Variants in C16orf86 observed in about 807,000 individuals in gnomAD.
C16orf86 encodes the protein uncharacterized protein C16orf86.
C16orf86 carries 19 observed loss-of-function variants against 21.5 expected under a neutral mutation model. The ratio of observed to expected loss-of-function variants is 0.88; its 90% CI spans 0.62 to 1.30. The LOEUF (loss-of-function observed/expected upper bound fraction) is 1.30. Ranked by LOEUF, C16orf86 falls within the 50% of genes most tolerant of loss-of-function variation. The pLI, the probability that C16orf86 is intolerant of heterozygous loss-of-function variation, is 0.00. For synonymous variants in C16orf86, 188 were observed against 183.5 expected, an observed-to-expected ratio of 1.02 and a Z score of -0.20; for missense variants, 391 against 415.8, an observed-to-expected ratio of 0.94 and a Z score of 0.52.
At position 67,666,920 on chromosome 16, in the gene C16orf86, C is replaced by T. The variant is rs2053111857; in HGVS notation, c.-51C>T. The T allele has an allele frequency of 2.3e-6, 3 of 1,321,582 alleles. No individual in the cohort carries two copies. The highest frequency in any genetic ancestry group is 3.2e-5 in the South Asian group (2 of 63,034). 81.9% of individuals were successfully genotyped at this position (1,321,582 alleles called of 1,614,324 possible). A position where few individuals can be genotyped will look rare whatever the true frequency, so the allele number is the denominator to read the frequency against. On this transcript the variant is annotated 5_prime_UTR_variant, in exon 1 of 4. Coordinates refer to ENST00000403458, the MANE Select transcript of C16orf86 (RefSeq NM_001012984.3). ...TCAGCGCGGGGCCACCATCCAGCCC[C>T]TTGGGGCCCGCCCCAAGCAGCTGTC...
Position 67,666,861 on chromosome 16 carries a change from A to G in C16orf86, c.-110A>G. 2 of 713,818 alleles carry G rather than the reference A, an allele frequency of 2.8e-6. No individual in the cohort carries two copies. The highest frequency in any genetic ancestry group is 4.2e-6 in the Non-Finnish European group (2 of 475,222). 44.2% of individuals were successfully genotyped at this position (713,818 alleles called of 1,614,324 possible). On this transcript the variant is annotated 5_prime_UTR_variant, in exon 1 of 4. Coordinates refer to ENST00000403458, the MANE Select transcript of C16orf86 (RefSeq NM_001012984.3). ...TCCGCGGTCGCCGGTTTCTCTTCCC[A>G]GCTCTGCCCTCGCTTGCTGGCCGGT...
Position 67,667,459 on chromosome 16 carries a change from AGAGAGGCCCCAGGCCCGTGGTCTCCATT to A in C16orf86, c.268_295del (p.Arg90Ter), listed in dbSNP as rs1439330545. On this transcript the variant is annotated frameshift_variant, in exon 2 of 4. Transcript: ENST00000403458. LOFTEE classifies it high-confidence loss of function. ...AAGCCGCATGCCGGGGCGCTAGAGG[AGAGAGGCCCCAGGCCCGTGGTCTCCATT>A]GTGAGGCCCCGTCATGGTCCAAAGA... 6.2e-7 allele frequency: 1 copy of A among 1,611,302 alleles called. No homozygotes were observed. Among genetic ancestry groups the A allele is most frequent in the South Asian group, 1.1e-5 (1 of 90,956 alleles).
In C16orf86 at chr16:67,668,649, T is replaced by C; in HGVS notation, c.*49T>C. ...CCCTCCTTCCACGCCTGAATTTGGCTTCAGGCTTCCTGTGGGCCTAGGCCC... is the reference window on the plus strand; with the variant it reads ...CCCTCCTTCCACGCCTGAATTTGGCCTCAGGCTTCCTGTGGGCCTAGGCCC... On this transcript the variant is annotated 3_prime_UTR_variant, in exon 4 of 4. Transcript: ENST00000403458. The C allele has an allele frequency of 6.3e-7, 1 of 1,589,782 alleles. No individual in the cohort carries two copies. Among genetic ancestry groups the C allele is most frequent in the East Asian group, 2.2e-5 (1 of 44,570 alleles).
chr16:67,667,821 G>A, intron 2 of C16orf86, 57 bp from the exon 3 acceptor site: 1 of 1,519,458 alleles, frequency 6.6e-7, no homozygotes, highest in Non-Finnish European at 8.8e-7. Flanking sequence ...TATTCCCTGG[G>A]CCAGGGAATG....
In C16orf86 at chr16:67,668,428, A is replaced by G. The variant is rs746441324; in HGVS notation, c.782A>G (p.His261Arg). The change falls in exon 4 of 4, where the codon CAT becomes CGT. Residue 261 changes from histidine (H) to arginine (R), a missense_variant. By Grantham distance (29) the His-to-Arg change is conservative. Transcript: ENST00000403458. Reference sequence around the variant, plus strand: ...CCCAGTCCACTAGTGACCCCCACCCATGCCCTGGCTCCCCTCGGAGAGGAG... The same window carrying G: ...CCCAGTCCACTAGTGACCCCCACCCGTGCCCTGGCTCCCCTCGGAGAGGAG... ...PCPSPLVTPT[H>R]ALAPLGEEAG... 21 of 1,612,114 alleles carry G rather than the reference A, an allele frequency of 1.3e-5. No individual in the cohort carries two copies. In the African/African-American group the frequency reaches 2.5e-4, roughly 20 times the overall value.
chr16:67,667,109 C>A, intron 1 of C16orf86, 37 bp downstream of exon 1: 5 of 1,454,306 alleles, frequency 3.4e-6, no homozygotes, highest in Non-Finnish European at 4.6e-6. Flanking sequence ...AACACAGGGC[C>A]GCAGCGCTCT....
rs2142991011 is a variant in C16orf86 at position 67,668,310 on chromosome 16, C to T, written c.664C>T (p.Leu222=). The T allele has an allele frequency of 2.5e-6, 4 of 1,612,408 alleles. No homozygotes were observed. The highest frequency in any genetic ancestry group is 1.3e-5 in the African/African-American group (1 of 75,080). ...GEAEVEAEAE[L]APVPEEGGVE... is the part of the protein sequence containing the mutation. ...GGCTGAGGTGGAGGCAGAGGCAGAG[C>T]TGGCCCCGGTTCCCGAGGAGGGAGG... The change falls in exon 4 of 4, where the codon CTG becomes TTG. Residue 222 remains leucine, a synonymous_variant. Coordinates refer to ENST00000403458, the MANE Select transcript of C16orf86 (RefSeq NM_001012984.3).
rs2053110435 is a variant in C16orf86 at position 67,666,830 on chromosome 16, G to GT, written c.-140dup. The stretch of plus-strand genomic sequence containing the variant: ...CTGGGGCTTGTAGTTTCGGCCGAGG[G>GT]TGGGCTCCGCGGTCGCCGGTTTCTC... On this transcript the variant is annotated 5_prime_UTR_variant, in exon 1 of 4. Coordinates refer to ENST00000403458, the MANE Select transcript of C16orf86 (RefSeq NM_001012984.3). The GT allele has an allele frequency of 1.8e-6, 1 of 551,800 alleles. No individual in the cohort carries two copies. The highest frequency in any genetic ancestry group is 2.0e-5 in the African/African-American group (1 of 50,048). The allele number at this position is 551,800 out of a possible 1,614,324, so 34.2% of individuals were successfully genotyped here.
Position 67,667,421 on chromosome 16 carries a change from G to A in C16orf86, c.228G>A (p.Gly76=). The A allele has an allele frequency of 6.2e-7, 1 of 1,612,386 alleles. No homozygotes were observed. ...TCCAGGAGGAAGGACCCAAGCTGGG[G>A]GAGGAGCGGCCCAAGCCGCATGCCG... ...SELQEEGPKL[G]EERPKPHAGA... Residue 76 remains glycine, a synonymous_variant, in exon 2 of 4, where the codon GGG becomes GGA. Coordinates refer to ENST00000403458, the MANE Select transcript of C16orf86 (RefSeq NM_001012984.3).
chr16:67,668,597 G>A lies in C16orf86; in HGVS notation c.951G>A (p.Lys317=). 1 of 1,613,338 alleles carries A rather than the reference G, an allele frequency of 6.2e-7. No homozygotes were observed. The highest frequency in any genetic ancestry group is 1.3e-5 in the African/African-American group (1 of 75,054). Residue 317 remains lysine, a synonymous_variant, in exon 4 of 4, where the codon AAG becomes AAA. Transcript: ENST00000403458. Reference sequence around the variant, plus strand: ...TCCCCCCGCTCTCTCCTCAGTACAAGTGACTGTCCCGCCCCACTGGTGGCT... The same window carrying A: ...TCCCCCCGCTCTCTCCTCAGTACAAATGACTGTCCCGCCCCACTGGTGGCT... ...PLVPPLSPQY[K]
intron 1 of C16orf86, 58 bp from the exon 2 acceptor site, chr16:67,667,238 C>T (rs1247687826): frequency 1.3e-6 from 2 of 1,539,720 alleles, no homozygotes; most frequent in Admixed American, 1.7e-5. Flanking sequence ...TGTTCAGTGA[C>T]GGATCCCTAT....
In C16orf86 at chr16:67,668,040, C is replaced by T. The variant is rs375453195; in HGVS notation, c.495C>T (p.Pro165=). ...KAKKRKSLGA[P]VLHAVASMVS... ...AGAAGCGCAAGAGCCTGGGGGCTCC[C>T]GTGCTCCACGCTGTGGCCAGCATGG... Residue 165 remains proline, a synonymous_variant, in exon 3 of 4, where the codon CCC becomes CCT. Transcript: ENST00000403458. 10 of 1,613,284 alleles carry T rather than the reference C, an allele frequency of 6.2e-6. No homozygotes were observed. Among genetic ancestry groups the T allele is most frequent in the Non-Finnish European group, 8.5e-6 (10 of 1,179,880 alleles).
At position 67,668,548 on chromosome 16, in the gene C16orf86, T is replaced by C; in HGVS notation, c.902T>C (p.Leu301Pro). 1 of 1,613,526 alleles carries C rather than the reference T, an allele frequency of 6.2e-7. No homozygotes were observed. Among genetic ancestry groups the C allele is most frequent in the Non-Finnish European group, 8.5e-7 (1 of 1,179,886 alleles). ...KSTQVDIDKM[L>P]SVCTAPLVPP... ...ACCCAGGTGGACATCGACAAGATGC[T>C]GAGTGTCTGCACTGCTCCACTTGTC... The change falls in exon 4 of 4, where the codon CTG becomes CCG. Residue 301 changes from leucine to proline, a missense_variant. Coordinates refer to ENST00000403458, the MANE Select transcript of C16orf86 (RefSeq NM_001012984.3).
chr16:67,666,860 C>T lies in C16orf86; in HGVS notation c.-111C>T. On this transcript the variant is annotated 5_prime_UTR_variant, in exon 1 of 4. Transcript: ENST00000403458. ...CTCCGCGGTCGCCGGTTTCTCTTCC[C>T]AGCTCTGCCCTCGCTTGCTGGCCGG... 1 of 714,402 alleles carries T rather than the reference C, an allele frequency of 1.4e-6. No homozygotes were observed. 44.3% of individuals were successfully genotyped at this position (714,402 alleles called of 1,614,324 possible).
chr16:67,667,705 G>T, intron 2 of C16orf86, 173 bp from the exon 3 acceptor site: 1 of 1,528,152 alleles, frequency 6.5e-7, no homozygotes, highest in South Asian at 1.2e-5. Flanking sequence ...GAGCTTCAGG[G>T]CTTGTAGGGG....
In C16orf86 at chr16:67,667,504, GTCC is replaced by G; in HGVS notation, c.312_314del (p.Pro105del). 6.2e-7 allele frequency: 1 copy of G among 1,606,882 alleles called. No individual in the cohort carries two copies. Among genetic ancestry groups the G allele is most frequent in the African/African-American group, 1.3e-5 (1 of 74,928 alleles). ...GTCTCCATTGTGAGGCCCCGTCATG[GTCC>G]AAAGAGAAAGCCTGTCAAGTGAGGG... On this transcript the variant is annotated inframe_deletion, in exon 2 of 4. Coordinates refer to ENST00000403458, the MANE Select transcript of C16orf86 (RefSeq NM_001012984.3).
chr16:67,667,938 G>T lies in C16orf86; in HGVS notation c.393G>T (p.Lys131Asn), dbSNP rs750643611. Residue 131 changes from lysine to asparagine, a missense_variant, in exon 3 of 4, where the codon AAG (lysine) becomes AAT (asparagine). Coordinates refer to ENST00000403458, the MANE Select transcript of C16orf86 (RefSeq NM_001012984.3). ...HLKAEAELPP[K>N]LPLQEEEPED... ...AGGCTGAAGCTGAGCTGCCACCCAA[G>T]CTGCCGCTGCAGGAGGAGGAGCCAG... The T allele has an allele frequency of 1.2e-6, 2 of 1,613,002 alleles. No individual in the cohort carries two copies. The highest frequency in any genetic ancestry group is 1.7e-6 in the Non-Finnish European group (2 of 1,179,772).
intron 3 of C16orf86, 47 bp from the exon 4 acceptor site, chr16:67,668,153 G>A (rs1439393689): frequency 6.3e-7 from 1 of 1,590,234 alleles, no homozygotes; most frequent in South Asian, 1.1e-5. Flanking sequence ...GGCCCGACAT[G>A]GCACAACCTG....
At chr16:67,667,788 C>G (rs1199778912) in intron 2 of C16orf86, 90 bp from the exon 3 acceptor site, 17 of 1,520,176 alleles carry the variant, frequency 1.1e-5, no homozygotes, top group Non-Finnish European at 1.4e-5. Context: ...GCGTCGAGCC[C>G]TGGGGCTGTG....
Sources: gnomAD v4.1 joint callset for allele counts on GRCh38, gnomAD v4.1.1 for gene constraint, MANE v1.5 for transcripts, NCBI Gene and HGNC (gene_info 2026-07-23, HGNC 2026-07-21) for gene names.